CATSPERT: variants seen among roughly 807,000 people sequenced by gnomAD.
CATSPERT encodes the protein catsper channel auxiliary subunit tau.
the CATSPERT span, among the ~76,000 whole-genome samples, chr2:201,530,627 A>G: frequency 6.6e-6 from 1 of 152,214 alleles, no homozygotes; most frequent in Non-Finnish European, 1.5e-5. Context: ...AGTTAAATAT[A>G]AATGGATGAA....
At chr2:201,512,166 T>C in the CATSPERT span, among the ~76,000 whole-genome samples, 1 of 152,194 alleles carries the variant, frequency 6.6e-6, no homozygotes, top group Non-Finnish European at 1.5e-5. Flanking sequence ...AAGAAAAACA[T>C]CTTAGGTAAG....
At chr2:201,615,930 T>G in the CATSPERT span, among the ~76,000 whole-genome samples, 2 of 152,088 alleles carry the variant, frequency 1.3e-5, no homozygotes, top group African/African-American at 4.8e-5. Context: ...TATAAACACC[T>G]CTATGCAAAT....
At chr2:201,618,645 A>C in the CATSPERT span, among the ~76,000 whole-genome samples, 1 of 151,966 alleles carries the variant, frequency 6.6e-6, no homozygotes. Flanking sequence ...CCAACATGGC[A>C]CATGTATACC....
At chr2:201,510,686 T>C in the CATSPERT span, among the ~76,000 whole-genome samples, 187 of 151,982 alleles carry the variant, frequency 1.2e-3, 2 homozygotes, top group South Asian at 0.019. Context: ...GCAAAGATAT[T>C]GGTAAGTTCT....
chr2:201,529,101 A>AT, the CATSPERT span, among the ~76,000 whole-genome samples: 46 of 152,176 alleles, frequency 3.0e-4, no homozygotes, highest in Non-Finnish European at 5.4e-4. Context: ...AAGAAAGAAG[A>AT]TAAAAACAAA....
At chr2:201,536,245 C>CA in the CATSPERT span, 1 of 1,613,182 alleles carries the variant, frequency 6.2e-7, no homozygotes, top group Non-Finnish European at 8.5e-7. Flanking sequence ...TTAGAAGCAT[C>CA]AGCAGTTGAA....
chr2:201,496,842 C>G, the CATSPERT span, among the ~76,000 whole-genome samples: 1 of 152,180 alleles, frequency 6.6e-6, no homozygotes, highest in African/African-American at 2.4e-5. Context: ...TTTCTTGTCC[C>G]AAGTTACCCA....
chr2:201,541,757 T>A, the CATSPERT span, among the ~76,000 whole-genome samples: 3 of 151,362 alleles, frequency 2.0e-5, no homozygotes, highest in Admixed American at 6.6e-5. Flanking sequence ...GACCACACCC[T>A]GCTAATTTTT....
chr2:201,548,063 T>TA, the CATSPERT span, among the ~76,000 whole-genome samples: 17 of 152,290 alleles, frequency 1.1e-4, no homozygotes, highest in South Asian at 3.5e-3. Flanking sequence ...ACTTTTTTTT[T>TA]AATGTACTTT....
the CATSPERT span, chr2:201,545,629 CAAAAAAAAAAAAAA>C: frequency 3.9e-4 from 61 of 156,528 alleles, 1 homozygote; most frequent in Non-Finnish European, 2.1e-4. Context: ...TTCCTAGAAG[CAAAAAAAAAAAAAA>C]AAAAAAAAAA....
At chr2:201,534,097 G>T in the CATSPERT span, among the ~76,000 whole-genome samples, 2 of 150,380 alleles carry the variant, frequency 1.3e-5, no homozygotes, top group South Asian at 2.1e-4. Flanking sequence ...TCAAATCTGA[G>T]ATATATATAT....
chr2:201,545,470 A>T, the CATSPERT span: 1 of 1,017,414 alleles, frequency 9.8e-7, no homozygotes, highest in Non-Finnish European at 1.5e-6. Flanking sequence ...GCAAATTACT[A>T]ATTGTCTTTT....
the CATSPERT span, among the ~76,000 whole-genome samples, chr2:201,496,638 C>T: frequency 2.0e-5 from 3 of 152,134 alleles, no homozygotes; most frequent in Admixed American, 6.5e-5. Context: ...CCACCGCGCC[C>T]GGCCATAGAT....
the CATSPERT span, chr2:201,492,999 T>C: frequency 2.0e-6 from 3 of 1,536,538 alleles, no homozygotes; most frequent in Non-Finnish European, 1.7e-6. Context: ...CAAAATCCTC[T>C]TGGAGTTCTT....
At chr2:201,545,865 A>G in the CATSPERT span, among the ~76,000 whole-genome samples, 1 of 152,122 alleles carries the variant, frequency 6.6e-6, no homozygotes, top group African/African-American at 2.4e-5. Context: ...AGTGTATCCA[A>G]GAATGGATAG....
chr2:201,560,027 A>G, the CATSPERT span, among the ~76,000 whole-genome samples: 1 of 152,234 alleles, frequency 6.6e-6, no homozygotes, highest in African/African-American at 2.4e-5. Flanking sequence ...AGACAATTAA[A>G]TCAGGAAAAC....
the CATSPERT span, among the ~76,000 whole-genome samples, chr2:201,501,395 C>CAAAAAAAAAAAAAAAAA: frequency 2.1e-5 from 1 of 46,602 alleles, no homozygotes; most frequent in African/African-American, 8.4e-5. Flanking sequence ...AACTCCATCT[C>CAAAAAAAAAAAAAAAAA]AAAAAAAAAA....
At chr2:201,493,577 G>A in the CATSPERT span, 3 of 1,536,852 alleles carry the variant, frequency 2.0e-6, no homozygotes, top group African/African-American at 4.1e-5. Flanking sequence ...GCAGATCTGG[G>A]CTGTGGCAAT....
chr2:201,583,701 C>T, the CATSPERT span, among the ~76,000 whole-genome samples: 1 of 151,960 alleles, frequency 6.6e-6, no homozygotes, highest in African/African-American at 2.4e-5. Context: ...CAAAGAAGTT[C>T]CACAAATAAT....
Sources: gnomAD v4.1 joint callset for allele counts (sites outside exome capture counted in the v4.1 genomes callset) on GRCh38, gnomAD v4.1.1 for gene constraint, MANE v1.5 for transcripts, NCBI Gene and HGNC (gene_info 2026-07-23, HGNC 2026-07-21) for gene names.